The following DCC variants were observed in gnomAD, a reference collection of about 807,000 sequenced individuals.
The protein encoded by DCC is DCC netrin 1 receptor, also known as netrin receptor DCC.
DCC carries 58 observed loss-of-function variants against 172.5 expected under a neutral mutation model. The ratio of observed to expected loss-of-function variants is 0.34; its 90% CI spans 0.27 to 0.42. The LOEUF (loss-of-function observed/expected upper bound fraction) is 0.42, where lower values mean the gene tolerates loss of function less well. Ranked by LOEUF, DCC falls within the 10% of genes least tolerant of loss-of-function variation. The pLI is 1.00. For missense variants in DCC, 1,740 were observed against 1,791.0 expected (o/e 0.97, Z 0.51); for synonymous variants, 709 against 644.5 (o/e 1.10, Z -1.52).
intron 12 of DCC, among the ~76,000 whole-genome samples, chr18:53,291,800 C>T (rs1175083003): frequency 6.6e-6 from 1 of 152,158 alleles, no homozygotes; most frequent in Non-Finnish European, 1.5e-5. Flanking sequence ...ATGATTTAGG[C>T]ACTGGAGAAT....
At chr18:52,515,714 A>AAAGAAC (rs2031616367) in intron 1 of DCC, among the ~76,000 whole-genome samples, 1 of 150,698 alleles carries the variant, frequency 6.6e-6, no homozygotes, top group Non-Finnish European at 1.5e-5. Context: ...TCACACTCCA[A>AAAGAAC]AAGAACAATG....
chr18:53,231,095 T>C (rs1476721063), intron 12 of DCC, among the ~76,000 whole-genome samples: 1 of 152,014 alleles, frequency 6.6e-6, no homozygotes, highest in Non-Finnish European at 1.5e-5. Flanking sequence ...TCCTATGGGA[T>C]ATGGCTTGAC....
intron 5 of DCC, among the ~76,000 whole-genome samples, chr18:52,990,897 C>T (rs2041378588): frequency 6.6e-6 from 1 of 151,724 alleles, no homozygotes. Flanking sequence ...TTTCAGTGTG[C>T]CATGCATGAG....
chr18:52,927,248 T>C (rs1465376332), intron 5 of DCC, among the ~76,000 whole-genome samples: 1 of 149,754 alleles, frequency 6.7e-6, no homozygotes, highest in African/African-American at 2.4e-5. Flanking sequence ...TATATGTACA[T>C]ATACACATAT....
Position 53,397,493 on chromosome 18 carries a change from C to T in DCC, c.2827+47C>T, listed in dbSNP as rs370333343. The T allele has an allele frequency of 1.6e-4, 259 of 1,608,690 alleles. 1 individual carries two copies. Among genetic ancestry groups the T allele is most frequent in the South Asian group, 6.2e-4 (56 of 90,914 alleles). On this transcript the variant is annotated intron_variant, in intron 18 of 28. Transcript: ENST00000442544. ...TTGGACCCTTGATAATGGTGTTTCCCAGGTTCTGTGGAAATTAGAACATGT... is the reference window on the plus strand; with the variant it reads ...TTGGACCCTTGATAATGGTGTTTCCTAGGTTCTGTGGAAATTAGAACATGT...
chr18:53,479,639 T>G (rs544816453), intron 25 of DCC, among the ~76,000 whole-genome samples: 1 of 152,258 alleles, frequency 6.6e-6, no homozygotes, highest in South Asian at 2.1e-4. Flanking sequence ...AAGTAGTTTG[T>G]TTTTCAAAGA....
At chr18:52,700,675 T>C (rs2036110266) in intron 1 of DCC, among the ~76,000 whole-genome samples, 1 of 152,242 alleles carries the variant, frequency 6.6e-6, no homozygotes, top group South Asian at 2.1e-4. Context: ...ACTCAATAGG[T>C]ATTTGTTGAA....
chr18:53,459,557 T>C (rs576168903), intron 24 of DCC, 99 bp downstream of exon 24: 18 of 796,790 alleles, frequency 2.3e-5, no homozygotes, highest in Non-Finnish European at 3.7e-5. Context: ...CTAATTTGCA[T>C]GTCATTATGG....
intron 27 of DCC, among the ~76,000 whole-genome samples, chr18:53,512,536 C>T (rs1223652142): frequency 2.7e-5 from 4 of 146,014 alleles, no homozygotes; most frequent in African/African-American, 7.7e-5. Context: ...ACATTCAAAC[C>T]AAAGGCAAAG....
At chr18:52,351,638 C>A (rs1476922600) in intron 1 of DCC, among the ~76,000 whole-genome samples, 3 of 152,152 alleles carry the variant, frequency 2.0e-5, no homozygotes, top group Non-Finnish European at 4.4e-5. Flanking sequence ...AACAAAACTT[C>A]ACCTTTTCTA....
chr18:53,146,402 G>A (rs1245047304), intron 7 of DCC, among the ~76,000 whole-genome samples: 3 of 152,200 alleles, frequency 2.0e-5, no homozygotes, highest in Non-Finnish European at 4.4e-5. Context: ...CTATGGAGCA[G>A]GAAGTTGGTG....
chr18:53,176,803 A>T (rs1361482380), intron 8 of DCC, among the ~76,000 whole-genome samples: 2 of 151,646 alleles, frequency 1.3e-5, no homozygotes, highest in South Asian at 4.2e-4. Flanking sequence ...TGGAAATACC[A>T]TTTGACCCAG....
At chr18:52,955,026 G>A (rs570293973) in intron 5 of DCC, among the ~76,000 whole-genome samples, 1 of 152,006 alleles carries the variant, frequency 6.6e-6, no homozygotes, top group South Asian at 2.1e-4. Flanking sequence ...TGATGCATTC[G>A]TGATAATCAA....
At chr18:53,432,278 T>C (rs1911667411) in intron 21 of DCC, among the ~76,000 whole-genome samples, 1 of 152,120 alleles carries the variant, frequency 6.6e-6, no homozygotes, top group African/African-American at 2.4e-5. Context: ...TAAATAGGCC[T>C]GCATAGGATC....
intron 1 of DCC, among the ~76,000 whole-genome samples, chr18:52,521,692 A>T (rs1395815823): frequency 6.6e-6 from 1 of 152,138 alleles, no homozygotes; most frequent in Admixed American, 6.6e-5. Context: ...GGGTTACACT[A>T]GTTTGAGGAA....
intron 7 of DCC, among the ~76,000 whole-genome samples, chr18:53,134,441 A>G (rs374525717): frequency 6.6e-5 from 10 of 152,162 alleles, no homozygotes; most frequent in African/African-American, 2.2e-4. Context: ...AAGCATATAT[A>G]AATAACATAC....
intron 1 of DCC, among the ~76,000 whole-genome samples, chr18:52,652,188 A>C (rs2035145949): frequency 3.3e-5 from 5 of 152,200 alleles, no homozygotes; most frequent in Admixed American, 3.3e-4. Flanking sequence ...CTCGTTGCCC[A>C]AGGAAGAAAA....
intron 1 of DCC, among the ~76,000 whole-genome samples, chr18:52,517,883 A>G (rs1313308276): frequency 6.6e-6 from 1 of 152,198 alleles, no homozygotes; most frequent in Non-Finnish European, 1.5e-5. Flanking sequence ...CATGCCATTG[A>G]TTATGCTTGT....
At chr18:52,994,929 A>G (rs1038356148) in intron 5 of DCC, among the ~76,000 whole-genome samples, 2 of 152,160 alleles carry the variant, frequency 1.3e-5, no homozygotes, top group Non-Finnish European at 2.9e-5. Flanking sequence ...TCATGCCAAT[A>G]ACAAATAATA....
Sources: allele counts gnomAD v4.1 joint callset (sites outside exome capture counted in the v4.1 genomes callset), GRCh38; gene constraint gnomAD v4.1.1; transcripts MANE v1.5; gene names NCBI Gene and HGNC (gene_info 2026-07-23, HGNC 2026-07-21).